Variants in NWD2 observed in about 807,000 individuals in gnomAD.
The protein encoded by NWD2 is NACHT and WD repeat domain-containing protein 2.
Under a neutral mutation model 132.7 loss-of-function variants are expected in NWD2, and 37 were observed. That is an observed-to-expected ratio of 0.28 (90% CI 0.21 to 0.37). The LOEUF (loss-of-function observed/expected upper bound fraction) is 0.37, where lower values mean the gene tolerates loss of function less well. Among genes scored for constraint, NWD2 ranks in the 10% least tolerant of loss-of-function variants. The probability of loss-of-function intolerance (pLI) is 1.00; values close to 1 mark genes in which losing one functional copy is unlikely to be tolerated. For synonymous variants in NWD2, 705 were observed against 803.0 expected (o/e 0.88, Z 2.06); for missense variants, 1,592 against 2,122.4 (o/e 0.75, Z 4.91).
At chr4:37,251,508 T>C (rs1341305446) in intron 1 of NWD2, among the ~76,000 whole-genome samples, 4 of 152,204 alleles carry the variant, frequency 2.6e-5, no homozygotes, top group African/African-American at 9.6e-5. Context: ...TTGTCAAAGC[T>C]GCCACCCAGA....
At position 37,356,354 on chromosome 4, in the gene NWD2, A is replaced by C. The variant is rs567363588; in HGVS notation, c.241-12A>C. 2.1e-6 allele frequency: 3 copies of C among 1,428,856 alleles called. No homozygotes were observed. The highest frequency in any genetic ancestry group is 2.5e-5 in the East Asian group (1 of 39,710). 88.5% of individuals were successfully genotyped at this position (1,428,856 alleles called of 1,614,324 possible). ...ACATGTAAACTAATGCTCTTCATCC[A>C]TCTGTCCCCAGGTCATAGATCTGTA... On this transcript the variant is annotated splice_polypyrimidine_tract_variant and intron_variant, in intron 2 of 6. Coordinates refer to ENST00000309447, the MANE Select transcript of NWD2 (RefSeq NM_001144990.2).
chr4:37,271,293 T>C (rs1357208314), intron 1 of NWD2, among the ~76,000 whole-genome samples: 2 of 151,852 alleles, frequency 1.3e-5, no homozygotes, highest in African/African-American at 4.8e-5. Flanking sequence ...GGGAGTTTGA[T>C]TGGGATTCCA....
intron 1 of NWD2, among the ~76,000 whole-genome samples, chr4:37,323,517 T>C (rs906401174): frequency 6.6e-6 from 1 of 152,056 alleles, no homozygotes; most frequent in East Asian, 1.9e-4. Context: ...TCAGAACGGC[T>C]ACTACTAAAA....
intron 1 of NWD2, among the ~76,000 whole-genome samples, chr4:37,319,172 G>A (rs772532315): frequency 1.3e-5 from 2 of 151,894 alleles, no homozygotes; most frequent in African/African-American, 2.4e-5. Context: ...AATAGCCACC[G>A]TGACTGGTAT....
intron 1 of NWD2, among the ~76,000 whole-genome samples, chr4:37,275,374 G>A (rs1372443507): frequency 4.6e-5 from 7 of 152,124 alleles, no homozygotes; most frequent in Non-Finnish European, 1.0e-4. Context: ...TACAAGGGAT[G>A]TGAAGGACCT....
rs1719872421 is a variant in NWD2, at chr4:37,356,401, G to C, written c.276G>C (p.Glu92Asp). Residue 92 changes from glutamate to aspartate, a missense_variant, in exon 3 of 7, where the codon GAG (glutamate) becomes GAC (aspartate). Transcript: ENST00000309447. ...IDLYWGVEED[E>D]WDSPELQKTR... ...TGTACTGGGGAGTGGAAGAAGATGA[G>C]TGGGACAGCCCAGAGCTCCAGAAGA... 13 of 1,551,448 alleles carry C rather than the reference G, an allele frequency of 8.4e-6. No individual in the cohort carries two copies. The highest frequency in any genetic ancestry group is 1.1e-5 in the Non-Finnish European group (13 of 1,146,766).
At chr4:37,323,925 T>C (rs993234573) in intron 1 of NWD2, among the ~76,000 whole-genome samples, 3 of 150,728 alleles carry the variant, frequency 2.0e-5, no homozygotes, top group African/African-American at 7.3e-5. Context: ...AGGCCTAAAC[T>C]AATTAATGCA....
chr4:37,343,490 T>A (rs1383002986), intron 2 of NWD2, among the ~76,000 whole-genome samples: 1 of 152,192 alleles, frequency 6.6e-6, no homozygotes, highest in Non-Finnish European at 1.5e-5. Context: ...CCATTTTTAA[T>A]CAAAACAAAA....
At chr4:37,325,609 G>A (rs1006032865) in intron 1 of NWD2, among the ~76,000 whole-genome samples, 4 of 152,094 alleles carry the variant, frequency 2.6e-5, no homozygotes, top group Admixed American at 6.6e-5. Flanking sequence ...CTGCCTCTTC[G>A]AAAGACATTG....
At chr4:37,318,807 T>A (rs1363655756) in intron 1 of NWD2, among the ~76,000 whole-genome samples, 1 of 152,194 alleles carries the variant, frequency 6.6e-6, no homozygotes. Context: ...AAGGACATGA[T>A]TTCATTATAT....
At chr4:37,313,368 T>C (rs1318978964) in intron 1 of NWD2, among the ~76,000 whole-genome samples, 2 of 151,130 alleles carry the variant, frequency 1.3e-5, no homozygotes, top group Admixed American at 6.6e-5. Context: ...AGGGTGTATG[T>C]GTTGAGGAAT....
intron 3 of NWD2, among the ~76,000 whole-genome samples, chr4:37,411,197 G>A (rs969469987): frequency 6.6e-6 from 1 of 151,750 alleles, no homozygotes; most frequent in Non-Finnish European, 1.5e-5. Flanking sequence ...AAAATTCCAG[G>A]AGCTGGCTTT....
chr4:37,341,469 T>G (rs1226342910), intron 2 of NWD2, among the ~76,000 whole-genome samples: 1 of 152,198 alleles, frequency 6.6e-6, no homozygotes, highest in Non-Finnish European at 1.5e-5. Context: ...ATGTTGTACA[T>G]GTACACGTGT....
chr4:37,314,264 T>C (rs940158288), intron 1 of NWD2, among the ~76,000 whole-genome samples: 1 of 152,190 alleles, frequency 6.6e-6, no homozygotes, highest in Non-Finnish European at 1.5e-5. Context: ...TTTGTGTTTT[T>C]TTCTTTTGAT....
chr4:37,309,542 G>A (rs1718787471), intron 1 of NWD2, among the ~76,000 whole-genome samples: 1 of 152,126 alleles, frequency 6.6e-6, no homozygotes, highest in Non-Finnish European at 1.5e-5. Context: ...TTTAGCAGTG[G>A]CTCTGTTCTC....
Position 37,437,479 on chromosome 4 carries a change from G to C in NWD2, c.707-1322G>C, listed in dbSNP as rs578040100. Among the ~76,000 whole-genome samples, 10 of 152,240 alleles carry C rather than the reference G, an allele frequency of 6.6e-5. No individual in the cohort carries two copies. In the East Asian group the frequency reaches 1.9e-3, roughly 29 times the overall value. On this transcript the variant is annotated intron_variant, in intron 5 of 6. Transcript: ENST00000309447. The stretch of plus-strand genomic sequence containing the variant: ...GGTTTCAACATATAAATTTCTGGGA[G>C]ACACAAACATTCAGTTTATAGGGCT...
chr4:37,406,164 C>T (rs186579519), intron 3 of NWD2, among the ~76,000 whole-genome samples: 12 of 152,180 alleles, frequency 7.9e-5, no homozygotes, highest in African/African-American at 2.2e-4. Context: ...CAAAACAAAA[C>T]GGTAGAAAAT....
intron 1 of NWD2, among the ~76,000 whole-genome samples, chr4:37,255,869 C>A (rs547800669): frequency 4.9e-4 from 75 of 152,252 alleles, no homozygotes; most frequent in African/African-American, 1.7e-3. Context: ...AGAGTGGGAC[C>A]AGCCACCACT....
chr4:37,310,892 T>G (rs1718826897), intron 1 of NWD2, among the ~76,000 whole-genome samples: 1 of 150,820 alleles, frequency 6.6e-6, no homozygotes, highest in African/African-American at 2.4e-5. Flanking sequence ...TGTTTGGTTT[T>G]TTGTCCTTGC....
Sources: allele counts gnomAD v4.1 joint callset (sites outside exome capture counted in the v4.1 genomes callset), GRCh38; gene constraint gnomAD v4.1.1; transcripts MANE v1.5; gene names NCBI Gene and HGNC (gene_info 2026-07-23, HGNC 2026-07-21).